The following EPHA5 variants were observed in gnomAD, a reference collection of about 807,000 sequenced individuals.
EPHA5 encodes the protein EPH receptor A5.
Under a neutral mutation model 105.0 loss-of-function variants are expected in EPHA5, and 60 were observed. That is an observed-to-expected ratio of 0.57 (90% CI 0.46 to 0.71). The LOEUF (loss-of-function observed/expected upper bound fraction) is 0.71. Ranked by LOEUF, EPHA5 falls within the 30% of genes least tolerant of loss-of-function variation. The pLI, the probability that EPHA5 is intolerant of heterozygous loss-of-function variation, is 0.00. For missense variants in EPHA5, 1,218 were observed against 1,274.7 expected, an observed-to-expected ratio of 0.96 and a Z score of 0.68; for synonymous variants, 513 against 449.1, an observed-to-expected ratio of 1.14 and a Z score of -1.80.
intron 3 of EPHA5, among the ~76,000 whole-genome samples, chr4:65,500,465 C>T (rs1276021159): frequency 6.6e-6 from 1 of 150,448 alleles, no homozygotes; most frequent in African/African-American, 2.4e-5. Flanking sequence ...TCCTTTAAAC[C>T]TTTGAGCCAT....
In EPHA5 at chr4:65,522,316, G is replaced by GTATATATATATATATATATACATA. The variant is rs58851174; in HGVS notation, c.911-26774_911-26773insTATGTATATATATATATATATATA. Among the ~76,000 whole-genome samples the GTATATATATATATATATATACATA allele has an allele frequency of 4.5e-3, 643 of 142,842 alleles. 11 individuals are homozygous for GTATATATATATATATATATACATA. The highest frequency in any genetic ancestry group is 0.016 in the African/African-American group (591 of 37,342). 93.7% of individuals were successfully genotyped at this position (142,842 alleles called of 152,430 possible). A position where few individuals can be genotyped will look rare whatever the true frequency, so the allele number is the denominator to read the frequency against. On this transcript the variant is annotated intron_variant, in intron 3 of 16. Transcript: ENST00000613740. ...GAAATATGTGTGTGTATATATATAT[G>GTATATATATATATATATATACATA]TATATATATATATATATAAAATCAA...
intron 8 of EPHA5, among the ~76,000 whole-genome samples, chr4:65,400,052 T>G (rs983983750): frequency 6.6e-6 from 1 of 152,156 alleles, no homozygotes; most frequent in African/African-American, 2.4e-5. Context: ...AATAATCATA[T>G]TTAAAGTATT....
At chr4:65,418,572 T>C (rs149251036) in intron 6 of EPHA5, among the ~76,000 whole-genome samples, 10 of 152,318 alleles carry the variant, frequency 6.6e-5, no homozygotes, top group Admixed American at 6.5e-4. Context: ...CATTTATGTT[T>C]CGGAATTATC....
intron 1 of EPHA5, among the ~76,000 whole-genome samples, chr4:65,644,122 A>C (rs190624064): frequency 6.6e-6 from 1 of 152,012 alleles, no homozygotes; most frequent in South Asian, 2.1e-4. Context: ...GATATATTAT[A>C]TATGGGAATC....
In EPHA5 at chr4:65,365,689, A is replaced by ATATATATATATATATATG. The variant is rs765636669; in HGVS notation, c.1987+242_1987+243insCATATATATATATATATA. On this transcript the variant is annotated intron_variant, in intron 10 of 16. Coordinates refer to ENST00000613740, the MANE Select transcript of EPHA5 (RefSeq NM_001281766.3). Reference sequence around the variant, plus strand: ...TATATATATATATATATATATATATAGTGAAACATTATCTATTTAAAATAT... The same window carrying ATATATATATATATATATG: ...TATATATATATATATATATATATATATATATATATATATATATGGTGAAACATTATCTATTTAAAATAT... Among the ~76,000 whole-genome samples, 2 of 93,814 alleles carry ATATATATATATATATATG rather than the reference A, an allele frequency of 2.1e-5. 1 individual carries two copies. Among genetic ancestry groups the ATATATATATATATATATG allele is most frequent in the Non-Finnish European group, 4.9e-5 (2 of 41,168 alleles). The allele number at this position is 93,814 out of a possible 152,430, so 61.5% of individuals were successfully genotyped here.
chr4:65,516,513 T>C (rs1734118431), intron 3 of EPHA5, among the ~76,000 whole-genome samples: 2 of 151,942 alleles, frequency 1.3e-5, no homozygotes, highest in Admixed American at 1.3e-4. Context: ...TATCTGTGCT[T>C]TTAAAACCCT....
At chr4:65,604,948 A>C (rs1372615156) in intron 2 of EPHA5, among the ~76,000 whole-genome samples, 1 of 152,206 alleles carries the variant, frequency 6.6e-6, no homozygotes, top group African/African-American at 2.4e-5. Flanking sequence ...TTCGATTACT[A>C]GAAGTTGTGA....
At chr4:65,590,879 A>G (rs4566704) in intron 3 of EPHA5, among the ~76,000 whole-genome samples, 73,970 of 151,986 alleles carry the variant, frequency 0.49, 19,762 homozygotes, top group Middle Eastern at 0.65. Context: ...TACAATTAAA[A>G]GTACAGATAG....
At chr4:65,439,620 A>T (rs1725822308) in intron 5 of EPHA5, among the ~76,000 whole-genome samples, 1 of 152,154 alleles carries the variant, frequency 6.6e-6, no homozygotes, top group South Asian at 2.1e-4. Context: ...ATGTCCATGA[A>T]TCAACAATTA....
intron 14 of EPHA5, among the ~76,000 whole-genome samples, chr4:65,346,196 G>T (rs1722213166): frequency 6.8e-6 from 1 of 146,052 alleles, no homozygotes; most frequent in South Asian, 2.2e-4. Flanking sequence ...CTTATGCTTT[G>T]CCTATTGTTT....
rs143864348 is a variant in EPHA5, at chr4:65,455,475, C to T, written c.1402+34902G>A. On this transcript the variant is annotated intron_variant, in intron 5 of 16. Transcript: ENST00000613740. ...AATATTGATCATTTCTTAGTGGTTG[C>T]TAGAAGTAACTTCTCATAAGGAACG... Among the ~76,000 whole-genome samples, 513 of 152,094 alleles carry T rather than the reference C, an allele frequency of 3.4e-3. 7 individuals are homozygous for T. In the East Asian group the frequency reaches 0.043, roughly 13 times the overall value.
Position 65,416,494 on chromosome 4 carries a change from A to C in EPHA5, c.1528-2051T>G, listed in dbSNP as rs868062834. Among the ~76,000 whole-genome samples the C allele has an allele frequency of 5.4e-5, 6 of 110,094 alleles. No individual in the cohort carries two copies. In the Middle Eastern group the frequency reaches 0.023, roughly 429 times the overall value. The allele number at this position is 110,094 out of a possible 152,430, so 72.2% of individuals were successfully genotyped here. A position where few individuals can be genotyped will look rare whatever the true frequency, so the allele number is the denominator to read the frequency against. ...TGGTAAGTTCCCCCATTGAAAAGTA[A>C]AAAACGAAACAATTTTTAAAAGCTT... is the stretch of plus-strand genomic sequence containing the variant. On this transcript the variant is annotated intron_variant, in intron 6 of 16. Coordinates refer to ENST00000613740, the MANE Select transcript of EPHA5 (RefSeq NM_001281766.3).
chr4:65,432,063 T>C (rs1327405530), intron 5 of EPHA5, among the ~76,000 whole-genome samples: 1 of 152,168 alleles, frequency 6.6e-6, no homozygotes, highest in Admixed American at 6.6e-5. Flanking sequence ...AGATGAACTT[T>C]TATTTAAAAA....
chr4:65,331,341 AT>A (rs1346132125), intron 16 of EPHA5: 3 of 1,037,264 alleles, frequency 2.9e-6, no homozygotes, highest in Non-Finnish European at 3.5e-6. Flanking sequence ...AACTCTAGTG[AT>A]TTTTATTTAA....
intron 3 of EPHA5, among the ~76,000 whole-genome samples, chr4:65,592,305 T>C (rs1742741471): frequency 6.6e-6 from 1 of 152,054 alleles, no homozygotes; most frequent in Non-Finnish European, 1.5e-5. Flanking sequence ...AGCCAAAGCC[T>C]GGAGTGGTGA....
chr4:65,587,635 G>A (rs966106706), intron 3 of EPHA5, among the ~76,000 whole-genome samples: 3 of 152,066 alleles, frequency 2.0e-5, no homozygotes, highest in Admixed American at 6.6e-5. Flanking sequence ...AGTCTAGTTC[G>A]GTTCCTGACT....
intron 2 of EPHA5, among the ~76,000 whole-genome samples, chr4:65,623,417 T>A (rs5000886): frequency 6.6e-6 from 1 of 151,804 alleles, no homozygotes; most frequent in Non-Finnish European, 1.5e-5. Flanking sequence ...CACTATGCTG[T>A]GGAGACACAA....
intron 3 of EPHA5, among the ~76,000 whole-genome samples, chr4:65,574,743 C>T (rs7437950): frequency 0.014 from 1,139 of 79,156 alleles, 29 homozygotes; most frequent in South Asian, 0.018. Context: ...TATATATATA[C>T]ATATATATAT....
chr4:65,430,807 A>G (rs190616322), intron 5 of EPHA5, among the ~76,000 whole-genome samples: 3 of 152,226 alleles, frequency 2.0e-5, no homozygotes, highest in Admixed American at 2.0e-4. Context: ...TATGTTAAAG[A>G]TTATTCAGAT....
Sources: gnomAD v4.1 joint callset for allele counts (sites outside exome capture counted in the v4.1 genomes callset) on GRCh38, gnomAD v4.1.1 for gene constraint, MANE v1.5 for transcripts, NCBI Gene and HGNC (gene_info 2026-07-23, HGNC 2026-07-21) for gene names.